The following FNIP2 variants were observed in gnomAD, a reference collection of about 807,000 sequenced individuals.
FNIP2 encodes the protein folliculin interacting protein 2.
FNIP2 carries 32 observed loss-of-function variants against 108.7 expected under a neutral mutation model. The observed-to-expected ratio is 0.29, with a 90% CI of 0.22 to 0.40. The LOEUF is 0.40. Among genes scored for constraint, FNIP2 ranks in the 10% least tolerant of loss-of-function variants. The probability of loss-of-function intolerance (pLI) is 1.00; values close to 1 mark genes in which losing one functional copy is unlikely to be tolerated. For synonymous variants in FNIP2, 480 were observed against 496.7 expected, an observed-to-expected ratio of 0.97 and a Z score of 0.45; for missense variants, 1,202 against 1,381.6, an observed-to-expected ratio of 0.87 and a Z score of 2.06.
intron 1 of FNIP2, among the ~76,000 whole-genome samples, chr4:158,791,862 G>A (rs1776431009): frequency 6.6e-6 from 1 of 152,102 alleles, no homozygotes; most frequent in African/African-American, 2.4e-5. Context: ...CTTGAAAATA[G>A]GTAAAACATG....
chr4:158,896,727 C>A (rs1255743874), intron 16 of FNIP2, among the ~76,000 whole-genome samples: 8 of 151,526 alleles, frequency 5.3e-5, no homozygotes, highest in Non-Finnish European at 1.2e-4. Context: ...AGTATTTCCC[C>A]CTTATGAGGT....
At chr4:158,788,067 T>G (rs1220595740) in intron 1 of FNIP2, among the ~76,000 whole-genome samples, 2 of 152,190 alleles carry the variant, frequency 1.3e-5, no homozygotes, top group African/African-American at 4.8e-5. Flanking sequence ...AGCTGTATGG[T>G]CTCGAACAAG....
chr4:158,776,674 C>A (rs764547246), intron 1 of FNIP2, among the ~76,000 whole-genome samples: 1 of 152,174 alleles, frequency 6.6e-6, no homozygotes, highest in Non-Finnish European at 1.5e-5. Flanking sequence ...AACAAGAAAA[C>A]GTACATGTGA....
intron 14 of FNIP2, among the ~76,000 whole-genome samples, chr4:158,880,362 A>G (rs879497141): frequency 2.6e-5 from 4 of 152,128 alleles, no homozygotes; most frequent in Admixed American, 2.6e-4. Context: ...CAAACACCGC[A>G]TGCTCACTCA....
rs928100580 is a variant in FNIP2, at chr4:158,899,511, A to G, written c.3266+3646A>G. Among the ~76,000 whole-genome samples, 4 of 151,838 alleles carry G rather than the reference A, an allele frequency of 2.6e-5. No homozygotes were observed. In the East Asian group the frequency reaches 7.7e-4, roughly 29 times the overall value. On this transcript the variant is annotated intron_variant, in intron 16 of 16. Transcript: ENST00000264433. ...TTTTTTGGTTGGTAGGCTATTAATT[A>G]CTGCCTCAATTTCAGAACTTGTTAT...
chr4:158,862,631 AAG>A (rs1468807748), intron 12 of FNIP2, among the ~76,000 whole-genome samples: 1 of 152,238 alleles, frequency 6.6e-6, no homozygotes, highest in Non-Finnish European at 1.5e-5. Context: ...AGAAAGCTAG[AAG>A]AGAGGTTTCA....
In FNIP2 at chr4:158,868,527, G is replaced by A. The variant is rs201778719; in HGVS notation, c.1891G>A (p.Ala631Thr). Reference protein sequence around the residue: ...RPEQGSEACSAGCLGPASDAS... With the variant: ...RPEQGSEACSTGCLGPASDAS... ...AGAGCAGGGTTCTGAGGCTTGCAGC[G>A]CAGGGTGCCTGGGGCCAGCATCAGA... Residue 631 changes from alanine to threonine, a missense_variant, in exon 13 of 17, where the codon GCA becomes ACA. By Grantham distance (58) the Ala-to-Thr change is moderately conservative. Transcript: ENST00000264433. This position sits in a 1 kb window ranked among gnomAD's most constrained non-coding sequence, Gnocchi z 4.6. The A allele has an allele frequency of 2.0e-4, 328 of 1,613,724 alleles. No homozygotes were observed. The highest frequency in any genetic ancestry group is 2.6e-4 in the Non-Finnish European group (305 of 1,179,814).
intron 1 of FNIP2, among the ~76,000 whole-genome samples, chr4:158,804,412 A>AC (rs1341449291): frequency 2.3e-5 from 2 of 88,192 alleles, no homozygotes; most frequent in African/African-American, 4.1e-5. Context: ...TGTATTATAC[A>AC]CTTTTTTTTT....
chr4:158,837,842 C>T (rs1481481558), intron 7 of FNIP2, among the ~76,000 whole-genome samples: 1 of 152,128 alleles, frequency 6.6e-6, no homozygotes. Flanking sequence ...TCTGGTTCTC[C>T]TGTTGGGAGG....
intron 14 of FNIP2, among the ~76,000 whole-genome samples, chr4:158,877,935 G>A (rs1472282541): frequency 3.3e-5 from 5 of 151,694 alleles, no homozygotes; most frequent in Non-Finnish European, 7.4e-5. Flanking sequence ...GTGAGACCCC[G>A]TCTCCTCCCC....
rs1350740927 is a variant in FNIP2, at chr4:158,869,459, A to G, written c.2792+31A>G. On this transcript the variant is annotated intron_variant, in intron 13 of 16. Coordinates refer to ENST00000264433, the MANE Select transcript of FNIP2 (RefSeq NM_020840.3). ...TCCAGCAGGCTGGGAAGTAGAGGGA[A>G]CTGGGTTCAAATCCCACTTTCCTGG... The G allele has an allele frequency of 9.7e-6, 15 of 1,540,628 alleles. No individual in the cohort carries two copies. The South Asian group carries it at 1.2e-4, about 13-fold the overall frequency.
intron 10 of FNIP2, 118 bp downstream of exon 10, chr4:158,859,784 C>A: frequency 1.2e-6 from 1 of 853,464 alleles, no homozygotes; most frequent in Non-Finnish European, 1.9e-6. Context: ...TTTTGTGGTT[C>A]CGCCCTTCAA....
intron 3 of FNIP2, among the ~76,000 whole-genome samples, chr4:158,830,093 G>C (rs534184588): frequency 6.6e-6 from 1 of 152,132 alleles, no homozygotes; most frequent in East Asian, 1.9e-4. Context: ...TGTACCCCAA[G>C]AAAAAGCAGA....
Position 158,868,410 on chromosome 4 carries a change from A to G in FNIP2, c.1774A>G (p.Asn592Asp), listed in dbSNP as rs751886525. The G allele has an allele frequency of 6.2e-7, 1 of 1,614,022 alleles. No homozygotes were observed. Among genetic ancestry groups the G allele is most frequent in the Non-Finnish European group, 8.5e-7 (1 of 1,179,898 alleles). ...ILPPTAAERHNPWPTGFPECP... is the reference protein window; with the variant it reads ...ILPPTAAERHDPWPTGFPECP... Reference sequence around the variant, plus strand: ...ACCACCAACAGCAGCAGAGAGACACAACCCCTGGCCGACAGGGTTTCCTGA... The same window carrying G: ...ACCACCAACAGCAGCAGAGAGACACGACCCCTGGCCGACAGGGTTTCCTGA... The change falls in exon 13 of 17, where the codon AAC (asparagine) becomes GAC (aspartate). Residue 592 changes from asparagine (N) to aspartate (D), a missense_variant. Around this residue, in one of 5 missense-constraint regions of FNIP2, gnomAD observed 878 missense variants for 990.3 expected, o/e 0.89. Coordinates refer to ENST00000264433, the MANE Select transcript of FNIP2 (RefSeq NM_020840.3). This position sits in a 1 kb window ranked among gnomAD's most constrained non-coding sequence, Gnocchi z 4.6.
At chr4:158,795,641 C>A (rs1322659052) in intron 1 of FNIP2, among the ~76,000 whole-genome samples, 1 of 152,150 alleles carries the variant, frequency 6.6e-6, no homozygotes, top group Non-Finnish European at 1.5e-5. Context: ...ACCAGGGGTC[C>A]CCAACTCCTA....
chr4:158,813,485 G>A (rs1043617692), intron 1 of FNIP2, among the ~76,000 whole-genome samples: 4 of 152,192 alleles, frequency 2.6e-5, no homozygotes, highest in Non-Finnish European at 5.9e-5. Context: ...ATTATCGTTG[G>A]TGAGGTGTCT....
intron 7 of FNIP2, among the ~76,000 whole-genome samples, chr4:158,840,003 T>A (rs560348864): frequency 3.9e-5 from 6 of 152,210 alleles, no homozygotes; most frequent in Non-Finnish European, 8.8e-5. Flanking sequence ...GATAGCTTTT[T>A]AAGGGGTTAT....
At chr4:158,788,258 A>T (rs1776287449) in intron 1 of FNIP2, among the ~76,000 whole-genome samples, 1 of 151,974 alleles carries the variant, frequency 6.6e-6, no homozygotes, top group Admixed American at 6.6e-5. Context: ...TCTTTCACAG[A>T]CTCATTGCAC....
chr4:158,781,987 C>T (rs550509151), intron 1 of FNIP2, among the ~76,000 whole-genome samples: 1 of 152,260 alleles, frequency 6.6e-6, no homozygotes, highest in South Asian at 2.1e-4. Context: ...AATCCTACTA[C>T]ACAGTGTTTG....
Sources: gnomAD v4.1 joint callset for allele counts (sites outside exome capture counted in the v4.1 genomes callset) on GRCh38, gnomAD v4.1.1 for gene constraint, gnomAD v4.1.1 regional missense constraint, Gnocchi (gnomAD v3.1) non-coding constraint, MANE v1.5 for transcripts, NCBI Gene and HGNC (gene_info 2026-07-23, HGNC 2026-07-21) for gene names.